The following LRRK1 variants were observed in gnomAD, a reference collection of about 807,000 sequenced individuals.
The protein encoded by LRRK1 is leucine rich repeat kinase 1, also known as leucine-rich repeat serine/threonine-protein kinase 1.
LRRK1 carries 113 observed loss-of-function variants against 209.1 expected under a neutral mutation model. That is an observed-to-expected ratio of 0.54 (90% confidence interval 0.46 to 0.63). The LOEUF (loss-of-function observed/expected upper bound fraction) is 0.63. Ranked by LOEUF, LRRK1 falls within the 30% of genes least tolerant of loss-of-function variation. The probability of loss-of-function intolerance (pLI) is 0.00; values close to 1 mark genes in which losing one functional copy is unlikely to be tolerated. For missense variants in LRRK1, 2,284 were observed against 2,632.2 expected, an observed-to-expected ratio of 0.87 and a Z score of 2.89; for synonymous variants, 1,144 against 1,099.7, an observed-to-expected ratio of 1.04 and a Z score of -0.80.
chr15:101,025,890 C>A (rs1385823191), intron 16 of LRRK1, 75 bp from the exon 17 acceptor site: 4 of 1,533,916 alleles, frequency 2.6e-6, no homozygotes, highest in Middle Eastern at 1.7e-4. Flanking sequence ...AGCGCACCTG[C>A]ACAGCTGGGA....
At chr15:101,012,700 C>T (rs1039405171) in intron 10 of LRRK1, among the ~76,000 whole-genome samples, 12 of 152,168 alleles carry the variant, frequency 7.9e-5, no homozygotes, top group East Asian at 1.9e-4. Flanking sequence ...TGCCAGGACC[C>T]CCACGGGCAC....
chr15:101,028,785 G>A (rs574656265), intron 19 of LRRK1, among the ~76,000 whole-genome samples, 171 bp from the exon 20 acceptor site: 1 of 152,370 alleles, frequency 6.6e-6, no homozygotes, highest in Admixed American at 6.5e-5. Flanking sequence ...GGGGCCACCA[G>A]GGCACCTGTG....
chr15:100,991,416 C>T (rs934230354), intron 6 of LRRK1, among the ~76,000 whole-genome samples: 14 of 152,056 alleles, frequency 9.2e-5, no homozygotes, highest in Admixed American at 2.0e-4. Flanking sequence ...CTTCCTAAAA[C>T]TCCTGGACCT....
chr15:100,972,537 G>A (rs2030989652), intron 2 of LRRK1, among the ~76,000 whole-genome samples: 2 of 152,130 alleles, frequency 1.3e-5, no homozygotes, highest in South Asian at 4.1e-4. Flanking sequence ...ATGGGTGAGT[G>A]ACAGTTGTGG....
At chr15:100,956,444 C>CTTTTTTTTTTCTTTTTTTTTTTT (rs2042759271) in intron 2 of LRRK1, among the ~76,000 whole-genome samples, 1 of 71,754 alleles carries the variant, frequency 1.4e-5, no homozygotes, top group Non-Finnish European at 2.5e-5. Flanking sequence ...CTTTTCTTTC[C>CTTTTTTTTTTCTTTTTTTTTTTT]TTTTTTTTTT....
intron 20 of LRRK1, among the ~76,000 whole-genome samples, chr15:101,033,253 G>A (rs1205513682): frequency 6.6e-6 from 1 of 152,158 alleles, no homozygotes; most frequent in Non-Finnish European, 1.5e-5. Flanking sequence ...ATCACTTTGA[G>A]TATTTATCCT....
chr15:100,988,452 T>C, intron 4 of LRRK1, 182 bp from the exon 5 acceptor site: 2 of 662,124 alleles, frequency 3.0e-6, no homozygotes, highest in Non-Finnish European at 5.4e-6. Flanking sequence ...TCCAGCTCCA[T>C]CCATGATGCT....
intron 2 of LRRK1, among the ~76,000 whole-genome samples, chr15:100,931,458 A>T (rs1045330772): frequency 6.6e-6 from 1 of 152,240 alleles, no homozygotes; most frequent in Admixed American, 6.5e-5. Flanking sequence ...CCATGTTACG[A>T]TGCAAATTTG....
At chr15:100,986,414 C>T (rs1022284823) in intron 4 of LRRK1, among the ~76,000 whole-genome samples, 2 of 152,188 alleles carry the variant, frequency 1.3e-5, no homozygotes, top group African/African-American at 4.8e-5. Flanking sequence ...GTTAAGAGAG[C>T]ACCCTTTGAT....
At chr15:100,926,640 T>G (rs2042116917) in intron 2 of LRRK1, among the ~76,000 whole-genome samples, 1 of 151,948 alleles carries the variant, frequency 6.6e-6, no homozygotes, top group African/African-American at 2.4e-5. Flanking sequence ...TTTTTTCTTT[T>G]TCATTTTCTT....
At chr15:100,995,090 G>A (rs1206567953) in intron 6 of LRRK1, among the ~76,000 whole-genome samples, 1 of 152,188 alleles carries the variant, frequency 6.6e-6, no homozygotes, top group East Asian at 1.9e-4. Context: ...TTCAGGGCAC[G>A]TGTGACGGAG....
At chr15:101,013,525 G>C (rs1043312330) in intron 10 of LRRK1, among the ~76,000 whole-genome samples, 3 of 152,238 alleles carry the variant, frequency 2.0e-5, no homozygotes, top group Non-Finnish European at 4.4e-5. Context: ...AAAATGGGGG[G>C]ACTGCTTGAG....
chr15:101,027,445 T>G lies in LRRK1; in HGVS notation c.2526+64T>G, dbSNP rs571795110. 6 of 1,580,752 alleles carry G rather than the reference T, an allele frequency of 3.8e-6. No homozygotes were observed. The highest frequency in any genetic ancestry group is 5.2e-6 in the Non-Finnish European group (6 of 1,163,150). On this transcript the variant is annotated intron_variant, in intron 18 of 33. Coordinates refer to ENST00000388948, the MANE Select transcript of LRRK1 (RefSeq NM_024652.6). The surrounding 1 kb of genome is among the most constrained non-coding windows in gnomAD (Gnocchi z 5.1). Reference sequence around the variant, plus strand: ...GCTTCCCATTGTTGGGGGTCCTCACTTCCCCCTCTCTCCTGTGAAGCCCAT... The same window carrying G: ...GCTTCCCATTGTTGGGGGTCCTCACGTCCCCCTCTCTCCTGTGAAGCCCAT...
chr15:100,954,073 G>T (rs896839171), intron 2 of LRRK1, among the ~76,000 whole-genome samples: 21 of 152,002 alleles, frequency 1.4e-4, no homozygotes, highest in African/African-American at 4.8e-4. Context: ...ACACCACCAC[G>T]CCTGGCTAAT....
intron 20 of LRRK1, among the ~76,000 whole-genome samples, chr15:101,031,739 T>A (rs1300309767): frequency 1.2e-5 from 1 of 81,882 alleles, no homozygotes; most frequent in Non-Finnish European, 2.7e-5. Flanking sequence ...CTCCCCACTA[T>A]TTTTTTTTTT....
At position 101,024,729 on chromosome 15, in the gene LRRK1, C is replaced by T. The variant is rs1437626595; in HGVS notation, c.2068-74C>T. The T allele has an allele frequency of 2.3e-5, 34 of 1,486,894 alleles. 1 individual carries two copies. Among genetic ancestry groups the T allele is most frequent in the South Asian group, 9.9e-5 (8 of 80,690 alleles). The allele number at this position is 1,486,894 out of a possible 1,614,324, so 92.1% of individuals were successfully genotyped here. On this transcript the variant is annotated intron_variant, in intron 15 of 33. Coordinates refer to ENST00000388948, the MANE Select transcript of LRRK1 (RefSeq NM_024652.6). This position sits in a 1 kb window ranked among gnomAD's most constrained non-coding sequence, Gnocchi z 4.6. ...CCCGAGTCCAGCCTCCAGAGTTATC[C>T]GTTGTCTCCGTTTGATTGACTGAAG...
chr15:100,998,578 C>G (rs2032535511), intron 6 of LRRK1, among the ~76,000 whole-genome samples: 1 of 145,170 alleles, frequency 6.9e-6, no homozygotes, highest in African/African-American at 2.6e-5. Flanking sequence ...TGTGTTTGCC[C>G]CTCCGTATAG....
chr15:101,001,814 G>C (rs1364198836), intron 6 of LRRK1, among the ~76,000 whole-genome samples: 1 of 152,174 alleles, frequency 6.6e-6, no homozygotes, highest in Non-Finnish European at 1.5e-5. Context: ...TCTTACTCAT[G>C]AGCCATAAGC....
rs761340203 is a variant in LRRK1 at position 101,015,291 on chromosome 15, T to G, written c.1533-35T>G. The G allele has an allele frequency of 1.9e-5, 29 of 1,527,006 alleles. 1 individual carries two copies. The South Asian group carries it at 3.0e-4, about 16-fold the overall frequency. 94.6% of individuals were successfully genotyped at this position (1,527,006 alleles called of 1,614,324 possible). ...GCCAAAAGTAATGCTTTTGTCGTGCTGTCCTCAAATTTTGTCTCTTTTTCC... is the reference window on the plus strand; with the variant it reads ...GCCAAAAGTAATGCTTTTGTCGTGCGGTCCTCAAATTTTGTCTCTTTTTCC... On this transcript the variant is annotated intron_variant, in intron 11 of 33. Transcript: ENST00000388948.
Sources: allele counts gnomAD v4.1 joint callset (sites outside exome capture counted in the v4.1 genomes callset), GRCh38; gene constraint gnomAD v4.1.1; non-coding constraint Gnocchi (gnomAD v3.1); transcripts MANE v1.5; gene names NCBI Gene and HGNC (gene_info 2026-07-23, HGNC 2026-07-21).